FRMD8: variants seen among roughly 807,000 people sequenced by gnomAD.
The protein encoded by FRMD8 is FERM domain-containing protein 8.
In FRMD8, 37 loss-of-function variants were observed where a neutral mutation model predicts 54.2. The ratio of observed to expected loss-of-function variants is 0.68; its 90% CI spans 0.53 to 0.90. The LOEUF (loss-of-function observed/expected upper bound fraction) is 0.90, where lower values mean the gene tolerates loss of function less well. Among genes scored for constraint, FRMD8 ranks in the 40% least tolerant of loss-of-function variants. FRMD8 has a pLI of 0.00. For synonymous variants in FRMD8, 246 were observed against 286.9 expected, an observed-to-expected ratio of 0.86 and a Z score of 1.44; for missense variants, 585 against 653.7, an observed-to-expected ratio of 0.89 and a Z score of 1.15.
At chr11:65,372,819 G>T in the FRMD8 span, among the ~76,000 whole-genome samples, 1 of 152,146 alleles carries the variant, frequency 6.6e-6, no homozygotes, top group Admixed American at 6.6e-5. Flanking sequence ...CTCCTCATGC[G>T]TCCTGTTTGC....
chr11:65,409,241 C>T (rs2137947139), intron 10 of FRMD8, among the ~76,000 whole-genome samples: 1 of 152,226 alleles, frequency 6.6e-6, no homozygotes, highest in African/African-American at 2.4e-5. Flanking sequence ...CGCCCACCAC[C>T]ATGCCCGATC....
chr11:65,380,104 A>G, the FRMD8 span: 1 of 1,609,386 alleles, frequency 6.2e-7, no homozygotes, highest in Admixed American at 1.7e-5. Flanking sequence ...GAGATCTTTC[A>G]TTCCTCTGGC....
At chr11:65,396,487 C>T (rs752862992) in intron 6 of FRMD8, among the ~76,000 whole-genome samples, 1 of 152,024 alleles carries the variant, frequency 6.6e-6, no homozygotes, top group Non-Finnish European at 1.5e-5. Flanking sequence ...TCACCTGGGA[C>T]AGGTGGGGGT....
At chr11:65,407,687 G>C (rs991081043) in intron 10 of FRMD8, among the ~76,000 whole-genome samples, 1 of 151,820 alleles carries the variant, frequency 6.6e-6, no homozygotes, top group Non-Finnish European at 1.5e-5. Flanking sequence ...TCAGGAGATC[G>C]AGACCATCCT....
upstream of FRMD8, chr11:65,381,807 C>T: frequency 7.1e-7 from 1 of 1,406,758 alleles, no homozygotes; most frequent in Admixed American, 1.7e-5. Context: ...ATCCTCCCGC[C>T]AGGCCGGAAC....
chr11:65,387,363 G>A (rs1855754412), intron 2 of FRMD8: 1 of 625,220 alleles, frequency 1.6e-6, no homozygotes, highest in African/African-American at 1.8e-5. Context: ...AAATTCAAAT[G>A]AGATTATATG....
chr11:65,401,393 C>T (rs1856077900), intron 9 of FRMD8, among the ~76,000 whole-genome samples: 1 of 135,592 alleles, frequency 7.4e-6, no homozygotes, highest in Non-Finnish European at 1.6e-5. Context: ...CAGCCTCCCT[C>T]CCCTGCCCCT....
upstream of FRMD8, among the ~76,000 whole-genome samples, chr11:65,384,689 A>C (rs1441005946): frequency 6.6e-6 from 1 of 152,208 alleles, no homozygotes; most frequent in African/African-American, 2.4e-5. Context: ...TCTTAAGGCA[A>C]TGCTGTCATC....
chr11:65,405,344 G>C (rs1339123669), intron 10 of FRMD8, among the ~76,000 whole-genome samples: 1 of 152,232 alleles, frequency 6.6e-6, no homozygotes, highest in Non-Finnish European at 1.5e-5. Context: ...TGGGTAGGTG[G>C]GGCGCGGTGG....
the FRMD8 span, among the ~76,000 whole-genome samples, chr11:65,373,375 G>A: frequency 6.6e-6 from 1 of 152,198 alleles, no homozygotes; most frequent in Non-Finnish European, 1.5e-5. Context: ...CTAGGAGTTC[G>A]AGTCTCTTCC....
rs1327302488 is a variant in FRMD8, at chr11:65,412,699, C to T, written c.*1339C>T. 6.6e-6 allele frequency: 1 copy of T among 152,286 alleles called. No homozygotes were observed. Among genetic ancestry groups the T allele is most frequent in the Non-Finnish European group, 1.5e-5 (1 of 68,072 alleles). The allele number at this position is 152,286 out of a possible 1,614,324, so 9.4% of individuals were successfully genotyped here. Reference sequence around the variant, plus strand: ...GTGGGAGAGGAAGCTTGGGCCTCTACTCCAAGTATCAGAGCCTGTTCACCC... The same window carrying T: ...GTGGGAGAGGAAGCTTGGGCCTCTATTCCAAGTATCAGAGCCTGTTCACCC... On this transcript the variant is annotated 3_prime_UTR_variant, in exon 11 of 11. Transcript: ENST00000317568.
upstream of FRMD8, chr11:65,382,787 C>T (rs1855640798): frequency 6.6e-6 from 1 of 152,572 alleles, no homozygotes; most frequent in Non-Finnish European, 1.5e-5. This position sits in a 1 kb window ranked among gnomAD's most constrained non-coding sequence, Gnocchi z 4.4. Flanking sequence ...AGCCTTCTGT[C>T]TCCAGGCCTG....
the FRMD8 span, chr11:65,375,906 C>T: frequency 6.3e-6 from 1 of 158,646 alleles, no homozygotes; most frequent in Admixed American, 6.0e-5. Context: ...ACTAAAAATA[C>T]AAAAATTTAG....
intron 10 of FRMD8, 150 bp downstream of exon 10, chr11:65,405,218 C>T: frequency 1.4e-6 from 1 of 728,872 alleles, no homozygotes; most frequent in South Asian, 1.7e-5. Flanking sequence ...GCAGGCCGAG[C>T]CCGGGCCTTG....
upstream of FRMD8, among the ~76,000 whole-genome samples, chr11:65,384,888 T>C (rs1235459621): frequency 6.6e-6 from 1 of 152,006 alleles, no homozygotes; most frequent in East Asian, 1.9e-4. Context: ...AATTTTTGGG[T>C]TTTTTACAGA....
chr11:65,387,706 T>A (rs551878443), intron 2 of FRMD8, among the ~76,000 whole-genome samples: 1 of 152,058 alleles, frequency 6.6e-6, no homozygotes, highest in Non-Finnish European at 1.5e-5. Flanking sequence ...GCCTGGCTAA[T>A]TTTTTGCATT....
intron 4 of FRMD8, 25 bp downstream of exon 4, chr11:65,393,699 T>C (rs1286892914): frequency 1.9e-6 from 3 of 1,566,442 alleles, no homozygotes; most frequent in East Asian, 2.2e-5. Flanking sequence ...CTGTCTGTCC[T>C]TGCCTCGGGA....
chr11:65,381,748 G>T, upstream of FRMD8: 1 of 767,502 alleles, frequency 1.3e-6, no homozygotes, highest in East Asian at 2.5e-5. Context: ...GTAGAGACAG[G>T]GGCCTCCCTA....
chr11:65,374,881 C>T, the FRMD8 span, among the ~76,000 whole-genome samples: 2 of 152,000 alleles, frequency 1.3e-5, no homozygotes, highest in African/African-American at 4.8e-5. Flanking sequence ...GTGGGAAGAT[C>T]ACTTGAGTCC....
Sources: allele counts gnomAD v4.1 joint callset (sites outside exome capture counted in the v4.1 genomes callset), GRCh38; gene constraint gnomAD v4.1.1; non-coding constraint Gnocchi (gnomAD v3.1); transcripts MANE v1.5; gene names NCBI Gene and HGNC (gene_info 2026-07-23, HGNC 2026-07-21).